Variants in PCDHGA4 observed in about 807,000 individuals in gnomAD.
PCDHGA4 encodes protocadherin gamma subfamily A, 4.
Under a neutral mutation model 54.6 loss-of-function variants are expected in PCDHGA4, and 38 were observed. That is an observed-to-expected ratio of 0.70 (90% confidence interval 0.54 to 0.91). The LOEUF (loss-of-function observed/expected upper bound fraction) is 0.91. PCDHGA4 is among the 40% of genes least tolerant of loss of function. The probability of loss-of-function intolerance (pLI) is 0.00; values close to 1 mark genes in which losing one functional copy is unlikely to be tolerated. For missense variants in PCDHGA4, 1,298 were observed against 1,220.9 expected, an observed-to-expected ratio of 1.06 and a Z score of -0.94; for synonymous variants, 511 against 512.9, an observed-to-expected ratio of 1.00 and a Z score of 0.05.
At chr5:141,433,383 CT>C (rs2097595660) in intron 1 of PCDHGA4, among the ~76,000 whole-genome samples, 1 of 151,456 alleles carries the variant, frequency 6.6e-6, no homozygotes, top group Non-Finnish European at 1.5e-5. Context: ...ATCTATCTAT[CT>C]ATCTATCTAT....
Position 141,476,901 on chromosome 5 carries a change from G to A in PCDHGA4, c.2515-17906G>A, listed in dbSNP as rs1466086788. The A allele has an allele frequency of 1.9e-6, 3 of 1,613,782 alleles. No individual in the cohort carries two copies. The African/African-American group carries it at 4.0e-5, about 22-fold the overall frequency. On this transcript the variant is annotated intron_variant, in intron 1 of 3. Coordinates refer to ENST00000571252, the MANE Select transcript of PCDHGA4 (RefSeq NM_018917.4). The surrounding 1 kb of genome is among the most constrained non-coding windows in gnomAD (Gnocchi z 7.6). ...CTGGAGGATGCACCCTCCGGCACGC[G>A]CGTGGTACAAGTCCTTGCAACGGAT...
At position 141,377,829 on chromosome 5, in the gene PCDHGA4, C is replaced by A. The variant is rs970459356; in HGVS notation, c.2514+20208C>A. On this transcript the variant is annotated intron_variant, in intron 1 of 3. Transcript: ENST00000571252. ...GTTATTTACTTGGGCCAGTTACAAT[C>A]GCCATTATCTTCCAATTAAAATTAA... 4 of 152,110 alleles carry A rather than the reference C, an allele frequency of 2.6e-5. No individual in the cohort carries two copies. In the South Asian group the frequency reaches 6.2e-4, roughly 24 times the overall value. The allele number at this position is 152,110 out of a possible 1,614,324, so 9.4% of individuals were successfully genotyped here.
chr5:141,388,356 C>A (rs756910714), intron 1 of PCDHGA4: 2 of 1,613,944 alleles, frequency 1.2e-6, no homozygotes, highest in Non-Finnish European at 1.7e-6. Flanking sequence ...AGGATCTGCC[C>A]ATGATGCGGA....
chr5:141,357,094 C>T lies in PCDHGA4; in HGVS notation c.1987C>T (p.Leu663=). 1 of 1,613,884 alleles carries T rather than the reference C, an allele frequency of 6.2e-7. No homozygotes were observed. The highest frequency in any genetic ancestry group is 8.5e-7 in the Non-Finnish European group (1 of 1,179,954). ...HTGEVRTARA[L]LDRDALKQRL... ...AGGCGAGGTGCGCACCGCACGGGCC[C>T]TGCTGGACAGAGACGCGCTCAAGCA... Residue 663 remains leucine, a synonymous_variant, in exon 1 of 4, where the codon CTG becomes TTG. Coordinates refer to ENST00000571252, the MANE Select transcript of PCDHGA4 (RefSeq NM_018917.4).
intron 1 of PCDHGA4, among the ~76,000 whole-genome samples, chr5:141,406,668 G>A (rs1415631899): frequency 3.3e-5 from 5 of 152,122 alleles, no homozygotes; most frequent in African/African-American, 7.2e-5. Flanking sequence ...TTAAATTATG[G>A]AGAATAGTAG....
intron 1 of PCDHGA4, chr5:141,441,111 G>A (rs1457975305): frequency 1.3e-5 from 2 of 152,194 alleles, no homozygotes; most frequent in Non-Finnish European, 1.5e-5. Flanking sequence ...TCATTGTCCA[G>A]TGTACAGTTG....
rs186469397 is a variant in PCDHGA4 at position 141,376,362 on chromosome 5, C to G, written c.2514+18741C>G. ...ACCTATTCCCACGAGGTCTCACTCA[C>G]TGCAGACTCGCGTAAGAGTCATCTG... On this transcript the variant is annotated intron_variant, in intron 1 of 3. Transcript: ENST00000571252. 5.1e-3 allele frequency: 8,179 copies of G among 1,614,250 alleles called. 35 individuals carry two copies. The highest frequency in any genetic ancestry group is 6.1e-3 in the Non-Finnish European group (7,170 of 1,180,044).
intron 1 of PCDHGA4, chr5:141,383,504 G>T (rs373658496): frequency 6.2e-7 from 1 of 1,612,766 alleles, no homozygotes; most frequent in South Asian, 1.1e-5. Context: ...GTGCTGGACC[G>T]GGAGGAAGAG....
chr5:141,394,013 T>C, intron 1 of PCDHGA4: 1 of 1,613,384 alleles, frequency 6.2e-7, no homozygotes, highest in Non-Finnish European at 8.5e-7. Flanking sequence ...CAATAGGTAA[T>C]TATTATAGAT....
chr5:141,394,361 G>T (rs2092984834), intron 1 of PCDHGA4: 2 of 1,614,190 alleles, frequency 1.2e-6, no homozygotes, highest in Non-Finnish European at 1.7e-6. Context: ...TCCTGTATGC[G>T]CTGCAATCTT....
chr5:141,364,495 G>A, intron 1 of PCDHGA4: 2 of 1,614,036 alleles, frequency 1.2e-6, no homozygotes, highest in Non-Finnish European at 1.7e-6. Flanking sequence ...TTGGGCTGGA[G>A]CCCCAGGAGC....
At chr5:141,409,331 G>A (rs1447189643) in intron 1 of PCDHGA4, 1 of 1,613,818 alleles carries the variant, frequency 6.2e-7, no homozygotes, top group African/African-American at 1.3e-5. Context: ...TCTGGATTTC[G>A]GAGGAAATGG....
In PCDHGA4 at chr5:141,428,992, C is replaced by A. The variant is rs986416866; in HGVS notation, c.2515-65815C>A. The A allele has an allele frequency of 1.3e-4, 20 of 152,092 alleles. 1 individual carries two copies. Among genetic ancestry groups the A allele is most frequent in the Admixed American group, 1.2e-3 (18 of 15,248 alleles). 9.4% of individuals were successfully genotyped at this position (152,092 alleles called of 1,614,324 possible). On this transcript the variant is annotated intron_variant, in intron 1 of 3. Transcript: ENST00000571252. Reference sequence around the variant, plus strand: ...GCCTCAGCCTCCCGGGTAGCTGGGACTACAGGCGCCCGCCACCACGCCCGG... The same window carrying A: ...GCCTCAGCCTCCCGGGTAGCTGGGAATACAGGCGCCCGCCACCACGCCCGG...
intron 1 of PCDHGA4, among the ~76,000 whole-genome samples, chr5:141,463,099 A>G (rs1445730117): frequency 1.4e-4 from 21 of 152,204 alleles, no homozygotes; most frequent in Admixed American, 1.4e-3. Context: ...CTATGTGACC[A>G]TCAAGAATTC....
Position 141,357,750 on chromosome 5 carries a change from A to G in PCDHGA4, c.2514+129A>G, listed in dbSNP as rs188292079. On this transcript the variant is annotated intron_variant, in intron 1 of 3. Coordinates refer to ENST00000571252, the MANE Select transcript of PCDHGA4 (RefSeq NM_018917.4). ...TTAATATTTTATTGCTTTAAAGAAA[A>G]CTGGTGGATGACCTTCCAATAATGA... 17 of 1,147,492 alleles carry G rather than the reference A, an allele frequency of 1.5e-5. No individual in the cohort carries two copies. The East Asian group carries it at 4.4e-4, about 30-fold the overall frequency. 71.1% of individuals were successfully genotyped at this position (1,147,492 alleles called of 1,614,324 possible).
At chr5:141,464,746 T>G (rs1317670068) in intron 1 of PCDHGA4, among the ~76,000 whole-genome samples, 1 of 152,220 alleles carries the variant, frequency 6.6e-6, no homozygotes, top group Non-Finnish European at 1.5e-5. Context: ...TATATCTTTT[T>G]GTTTTTTTAG....
intron 1 of PCDHGA4, chr5:141,360,309 C>A: frequency 6.2e-7 from 1 of 1,613,980 alleles, no homozygotes; most frequent in Non-Finnish European, 8.5e-7. Flanking sequence ...GGCTCAGCGT[C>A]CGGGACTTGC....
At position 141,487,329 on chromosome 5, in the gene PCDHGA4, C is replaced by T; in HGVS notation, c.2515-7478C>T. On this transcript the variant is annotated intron_variant, in intron 1 of 3. Coordinates refer to ENST00000571252, the MANE Select transcript of PCDHGA4 (RefSeq NM_018917.4). This position sits in a 1 kb window ranked among gnomAD's most constrained non-coding sequence, Gnocchi z 5.0. Reference sequence around the variant, plus strand: ...CTACTCTCTAAGTGTCTTCGTGGGGCAGCCTGTGGAGTCACATGCTTTCCT... The same window carrying T: ...CTACTCTCTAAGTGTCTTCGTGGGGTAGCCTGTGGAGTCACATGCTTTCCT... 1 of 1,614,170 alleles carries T rather than the reference C, an allele frequency of 6.2e-7. No homozygotes were observed. The highest frequency in any genetic ancestry group is 1.1e-5 in the South Asian group (1 of 91,070).
At chr5:141,402,458 T>C (rs886690950) in intron 1 of PCDHGA4, among the ~76,000 whole-genome samples, 2 of 152,178 alleles carry the variant, frequency 1.3e-5, no homozygotes, top group Non-Finnish European at 2.9e-5. Flanking sequence ...ATAGTTTACA[T>C]ATCTAGAAAT....
Sources: gnomAD v4.1 joint callset for allele counts (sites outside exome capture counted in the v4.1 genomes callset) on GRCh38, gnomAD v4.1.1 for gene constraint, Gnocchi (gnomAD v3.1) non-coding constraint, MANE v1.5 for transcripts, NCBI Gene and HGNC (gene_info 2026-07-23, HGNC 2026-07-21) for gene names.